The following DMXL1 variants were observed in gnomAD, a reference collection of about 807,000 sequenced individuals.
The protein encoded by DMXL1 is dmX-like protein 1.
In DMXL1, 99 loss-of-function variants were observed where a neutral mutation model predicts 319.2. The observed-to-expected ratio is 0.31, with a 90% CI of 0.26 to 0.37. DMXL1 has a LOEUF of 0.37. Ranked by LOEUF, DMXL1 falls within the 10% of genes least tolerant of loss-of-function variation. The pLI is 1.00. For synonymous variants in DMXL1, 1,385 were observed against 1,235.2 expected, an observed-to-expected ratio of 1.12 and a Z score of -2.54; for missense variants, 3,745 against 3,595.6, an observed-to-expected ratio of 1.04 and a Z score of -1.06.
chr5:119,088,261 A>G (rs1420915844), intron 1 of DMXL1, among the ~76,000 whole-genome samples: 1 of 152,210 alleles, frequency 6.6e-6, no homozygotes, highest in East Asian at 1.9e-4. Context: ...ATGTAAGTAT[A>G]GCTAGTCAAG....
chr5:119,194,626 A>C (rs1779289496), intron 30 of DMXL1, among the ~76,000 whole-genome samples: 2 of 152,260 alleles, frequency 1.3e-5, no homozygotes, highest in South Asian at 4.1e-4. Context: ...TCTTTATTTG[A>C]AAGTTACCAT....
chr5:119,147,495 C>A (rs751365086), intron 17 of DMXL1, 25 bp downstream of exon 17: 3 of 1,545,612 alleles, frequency 1.9e-6, no homozygotes, highest in Admixed American at 3.4e-5. Context: ...TGAAAAGAGA[C>A]TAATTTTGTA....
intron 17 of DMXL1, chr5:119,147,716 A>T: frequency 5.1e-6 from 2 of 389,638 alleles, no homozygotes; most frequent in South Asian, 9.9e-5. Context: ...TTTTGGGAAG[A>T]CAAAGGGACA....
chr5:119,210,656 C>T (rs554795749), intron 34 of DMXL1, among the ~76,000 whole-genome samples: 7 of 151,732 alleles, frequency 4.6e-5, no homozygotes, highest in Non-Finnish European at 8.8e-5. Context: ...GGTAATAGCT[C>T]ACTGTCTTTA....
chr5:119,160,454 A>G (rs1342644764), intron 19 of DMXL1, among the ~76,000 whole-genome samples: 2 of 152,206 alleles, frequency 1.3e-5, no homozygotes, highest in Admixed American at 6.5e-5. Flanking sequence ...GTAATCTAAC[A>G]CAGTATCTAT....
intron 8 of DMXL1, among the ~76,000 whole-genome samples, chr5:119,119,473 A>G (rs1761553337): frequency 6.6e-6 from 1 of 152,128 alleles, no homozygotes; most frequent in Admixed American, 6.5e-5. Context: ...GAATAGTAAT[A>G]CATTTGATCG....
chr5:119,081,231 C>T (rs567270336), intron 1 of DMXL1, among the ~76,000 whole-genome samples: 15 of 152,266 alleles, frequency 9.9e-5, no homozygotes, highest in Admixed American at 9.2e-4. Context: ...GTTTGGGCTG[C>T]CTCCCCTTCT....
rs111360499 is a variant in DMXL1 at position 119,167,872 on chromosome 5, G to T, written c.5398+8G>T. On this transcript the variant is annotated splice_region_variant and intron_variant, in intron 23 of 43. Transcript: ENST00000539542. ...CTATCAGAGAGAATGATGGTAAGCT[G>T]CACTTCTAAGATGTTAATGATTAAG... 1.2e-6 allele frequency: 2 copies of T among 1,608,292 alleles called. No individual in the cohort carries two copies. The highest frequency in any genetic ancestry group is 3.4e-5 in the Admixed American group (2 of 58,712).
Position 119,197,931 on chromosome 5 carries a change from C to T in DMXL1, c.7720C>T (p.Leu2574=). Residue 2574 remains leucine (L), a synonymous_variant, in exon 32 of 44, where the codon CTG becomes TTG. Coordinates refer to ENST00000539542, the MANE Select transcript of DMXL1 (RefSeq NM_001290321.3). ...GPAILRHKAL[L]EPTNTPFKSK... ...TGCAATTCTTCGCCACAAAGCTTTACTGGAACCTACAAACACTCCTTTCAA... is the reference window on the plus strand; with the variant it reads ...TGCAATTCTTCGCCACAAAGCTTTATTGGAACCTACAAACACTCCTTTCAA... 6.2e-7 allele frequency: 1 copy of T among 1,614,162 alleles called. No individual in the cohort carries two copies. The highest frequency in any genetic ancestry group is 8.5e-7 in the Non-Finnish European group (1 of 1,180,012).
intron 13 of DMXL1, among the ~76,000 whole-genome samples, chr5:119,136,051 A>C (rs754922695): frequency 7.2e-5 from 11 of 152,238 alleles, no homozygotes; most frequent in Non-Finnish European, 1.5e-4. Flanking sequence ...GGTTTTGACC[A>C]AAATGCTGAT....
Position 119,173,295 on chromosome 5 carries a change from G to A in DMXL1, c.6681+1326G>A, listed in dbSNP as rs567800187. On this transcript the variant is annotated intron_variant, in intron 25 of 43. Coordinates refer to ENST00000539542, the MANE Select transcript of DMXL1 (RefSeq NM_001290321.3). ...GCAGAGGTTGCGGTGAGCCAAGATC[G>A]CACCATTACACTCCAACCTGGGCAA... 2.0e-3 allele frequency among the ~76,000 whole-genome samples: 291 copies of A among 148,194 alleles called. 1 individual carries two copies. The highest frequency in any genetic ancestry group is 3.6e-3 in the Middle Eastern group (1 of 276).
At position 119,082,753 on chromosome 5, in the gene DMXL1, A is replaced by G. The variant is rs374722228; in HGVS notation, c.87+11097A>G. Among the ~76,000 whole-genome samples, 71 of 152,364 alleles carry G rather than the reference A, an allele frequency of 4.7e-4. 5 individuals are homozygous for G. In the South Asian group the frequency reaches 0.014, roughly 29 times the overall value. ...TGAATTCGTCTAGCTGTTTTGAAAT[A>G]TACAATAGATTATTGTAAACTACAT... On this transcript the variant is annotated intron_variant, in intron 1 of 43. Coordinates refer to ENST00000539542, the MANE Select transcript of DMXL1 (RefSeq NM_001290321.3).
rs1336830751 is a variant in DMXL1 at position 119,196,438 on chromosome 5, G to A, written c.7525G>A (p.Ala2509Thr). Residue 2509 changes from alanine (A) to threonine (T), a missense_variant, in exon 31 of 44, where the codon GCA (alanine) becomes ACA (threonine). Coordinates refer to ENST00000539542, the MANE Select transcript of DMXL1 (RefSeq NM_001290321.3). ...CAATTTGAAGACTTTTTATCCCTTC[G>A]CAGGTCATGATCTTGCAGGTAATAA... is the stretch of plus-strand genomic sequence containing the variant. ...LNNLKTFYPFAGHDLAELPVS... is the reference protein window; with the variant it reads ...LNNLKTFYPFTGHDLAELPVS... The A allele has an allele frequency of 1.2e-5, 19 of 1,612,552 alleles. No individual in the cohort carries two copies. Among genetic ancestry groups the A allele is most frequent in the East Asian group, 4.5e-5 (2 of 44,824 alleles).
In DMXL1 at chr5:119,134,397, A is replaced by G. The variant is rs754560176; in HGVS notation, c.2376+8A>G. The G allele has an allele frequency of 3.7e-6, 6 of 1,603,020 alleles. No homozygotes were observed. Among genetic ancestry groups the G allele is most frequent in the Non-Finnish European group, 5.1e-6 (6 of 1,175,402 alleles). ...TCTAACCCTGAAATTTCTGTAAGTAATGTCTTTTAAAACAGCTTAAGTATA... is the reference window on the plus strand; with the variant it reads ...TCTAACCCTGAAATTTCTGTAAGTAGTGTCTTTTAAAACAGCTTAAGTATA... On this transcript the variant is annotated splice_region_variant and intron_variant, in intron 13 of 43. Coordinates refer to ENST00000539542, the MANE Select transcript of DMXL1 (RefSeq NM_001290321.3).
chr5:119,096,194 G>C (rs946684979), intron 1 of DMXL1, among the ~76,000 whole-genome samples: 2 of 113,970 alleles, frequency 1.8e-5, no homozygotes, highest in Non-Finnish European at 3.5e-5. Context: ...TTTTTTTTTT[G>C]AGATGGAGTT....
chr5:119,204,719 C>G (rs1466479857), intron 33 of DMXL1, among the ~76,000 whole-genome samples: 1 of 152,098 alleles, frequency 6.6e-6, no homozygotes, highest in Non-Finnish European at 1.5e-5. Flanking sequence ...GTCTCCTGGA[C>G]TGGTAACGAA....
chr5:119,164,906 A>G (rs1292986074), intron 20 of DMXL1, among the ~76,000 whole-genome samples: 1 of 143,026 alleles, frequency 7.0e-6, no homozygotes, highest in East Asian at 1.9e-4. Flanking sequence ...TATATGTCTG[A>G]TTTTTACAAA....
intron 1 of DMXL1, among the ~76,000 whole-genome samples, chr5:119,080,923 C>T (rs1478171873): frequency 6.6e-6 from 1 of 152,146 alleles, no homozygotes; most frequent in Non-Finnish European, 1.5e-5. Flanking sequence ...TTACCCCTCC[C>T]TAGGCAAAAA....
intron 31 of DMXL1, among the ~76,000 whole-genome samples, 167 bp from the exon 32 acceptor site, chr5:119,197,588 C>G (rs1399032511): frequency 6.6e-6 from 1 of 152,070 alleles, no homozygotes; most frequent in Admixed American, 6.6e-5. Context: ...GGTTTCTTTG[C>G]CCACCTCACC....
Sources: allele counts gnomAD v4.1 joint callset (sites outside exome capture counted in the v4.1 genomes callset), GRCh38; gene constraint gnomAD v4.1.1; transcripts MANE v1.5; gene names NCBI Gene and HGNC (gene_info 2026-07-23, HGNC 2026-07-21).